Variants in IWS1 observed in about 807,000 individuals in gnomAD.
The protein encoded by IWS1 is protein IWS1 homolog.
IWS1 carries 27 observed loss-of-function variants against 86.7 expected under a neutral mutation model. That is an observed-to-expected ratio of 0.31 (90% CI 0.23 to 0.43). The LOEUF is 0.43. Among genes scored for constraint, IWS1 ranks in the 20% least tolerant of loss-of-function variants. The pLI, the probability that IWS1 is intolerant of heterozygous loss-of-function variation, is 1.00. For synonymous variants in IWS1, 313 were observed against 335.1 expected (o/e 0.93, Z 0.72); for missense variants, 827 against 1,000.8 (o/e 0.83, Z 2.34).
Position 127,512,452 on chromosome 2 carries a change from A to T in IWS1, c.151-6700T>A, listed in dbSNP as rs144673483. On this transcript the variant is annotated intron_variant, in intron 2 of 13. Coordinates refer to ENST00000295321, the MANE Select transcript of IWS1 (RefSeq NM_017969.3). Reference sequence around the variant, plus strand: ...CCCCTTCTTCCCTATCTGTCCTACCACAAAAGGTGTGAAGCCATCTAACCC... The same window carrying T: ...CCCCTTCTTCCCTATCTGTCCTACCTCAAAAGGTGTGAAGCCATCTAACCC... Among the ~76,000 whole-genome samples the T allele has an allele frequency of 1.3e-3, 192 of 152,286 alleles. 2 individuals carry two copies. The highest frequency in any genetic ancestry group is 3.8e-3 in the African/African-American group (157 of 41,574).
In IWS1 at chr2:127,526,288, G is replaced by A. The variant is rs1573582221; in HGVS notation, c.-80C>T. The A allele has an allele frequency of 3.2e-6, 5 of 1,544,698 alleles. No homozygotes were observed. The East Asian group carries it at 1.2e-4, about 38-fold the overall frequency. On this transcript the variant is annotated 5_prime_UTR_variant, in exon 1 of 14. Transcript: ENST00000295321. ...CCTTCCAGGCGGTGTGACCCCGGAT[G>A]GCGCGGCTAAGTGTTCAGAGACTGC...
At chr2:127,483,597 G>GGGGGT (rs1689763480) in intron 13 of IWS1, among the ~76,000 whole-genome samples, 1 of 26,034 alleles carries the variant, frequency 3.8e-5, no homozygotes. Context: ...GGGGTGGGGG[G>GGGGGT]GTTGGGCTGT....
Position 127,523,748 on chromosome 2 carries a change from C to T in IWS1, c.78G>A (p.Gly26=). 1 of 1,614,028 alleles carries T rather than the reference C, an allele frequency of 6.2e-7. No homozygotes were observed. Among genetic ancestry groups the T allele is most frequent in the Non-Finnish European group, 8.5e-7 (1 of 1,179,988 alleles). The change falls in exon 2 of 14, where the codon GGG becomes GGA. Residue 26 remains glycine (G), a synonymous_variant. Coordinates refer to ENST00000295321, the MANE Select transcript of IWS1 (RefSeq NM_017969.3). ...CATTTACATCATCCTCACCGTCTGA[C>T]CCTGAATCCCGTTCATCCTGTACTG... ...ATPVQDERDS[G]SDGEDDVNEQ... is the part of the protein sequence containing the mutation.
intron 2 of IWS1, among the ~76,000 whole-genome samples, chr2:127,515,286 C>T (rs896462247): frequency 6.6e-6 from 1 of 152,146 alleles, no homozygotes; most frequent in Non-Finnish European, 1.5e-5. Flanking sequence ...ATTTAATGCC[C>T]AGTAACCAAG....
chr2:127,503,697 T>TA (rs1690938167), intron 3 of IWS1, 121 bp from the exon 4 acceptor site: 1 of 355,668 alleles, frequency 2.8e-6, no homozygotes, highest in African/African-American at 2.2e-5. Context: ...AATAAATAAA[T>TA]AAATAAATAA....
intron 5 of IWS1, among the ~76,000 whole-genome samples, chr2:127,502,133 C>T (rs1442762513): frequency 6.6e-6 from 1 of 152,122 alleles, no homozygotes; most frequent in Non-Finnish European, 1.5e-5. Context: ...GACTGAGATT[C>T]TCTAGTCTGC....
At chr2:127,525,020 T>C (rs1171014627) in intron 1 of IWS1, among the ~76,000 whole-genome samples, 1 of 150,046 alleles carries the variant, frequency 6.7e-6, no homozygotes, top group East Asian at 1.9e-4. Context: ...TTCAGCCTCC[T>C]GAGTAACTGG....
At position 127,505,095 on chromosome 2, in the gene IWS1, T is replaced by G. The variant is rs1479004854; in HGVS notation, c.808A>C (p.Lys270Gln). The G allele has an allele frequency of 6.2e-6, 10 of 1,610,560 alleles. No individual in the cohort carries two copies. The highest frequency in any genetic ancestry group is 5.9e-6 in the Non-Finnish European group (7 of 1,178,106). Residue 270 changes from lysine to glutamine, a missense_variant, in exon 3 of 14, where the codon AAA (lysine) becomes CAA (glutamine). Around this residue, in one of 2 missense-constraint regions of IWS1, gnomAD observed 548 missense variants for 560.2 expected, o/e 0.98. Transcript: ENST00000295321. This position sits in a 1 kb window ranked among gnomAD's most constrained non-coding sequence, Gnocchi z 5.0. Reference protein sequence around the residue: ...ASDSENEELPKPRISDSESED... With the variant: ...ASDSENEELPQPRISDSESED... Reference sequence around the variant, plus strand: ...CTTTCCGAATCACTGATTCGGGGTTTGGGAAGCTCTTCATTTTCTGAGTCA... The same window carrying G: ...CTTTCCGAATCACTGATTCGGGGTTGGGGAAGCTCTTCATTTTCTGAGTCA...
chr2:127,519,480 T>C (rs1220996282), intron 2 of IWS1, among the ~76,000 whole-genome samples: 1 of 151,456 alleles, frequency 6.6e-6, no homozygotes, highest in Admixed American at 6.6e-5. Flanking sequence ...AGATTGTGTG[T>C]GTGTGTGTGT....
At chr2:127,510,039 G>A (rs1054899047) in intron 2 of IWS1, among the ~76,000 whole-genome samples, 1 of 152,156 alleles carries the variant, frequency 6.6e-6, no homozygotes, top group Non-Finnish European at 1.5e-5. Flanking sequence ...CTGGTGAGAA[G>A]TGTCAAACTC....
intron 2 of IWS1, among the ~76,000 whole-genome samples, chr2:127,509,968 A>G (rs574687099): frequency 1.3e-5 from 2 of 152,352 alleles, no homozygotes; most frequent in East Asian, 1.9e-4. Context: ...TCAAAGTATT[A>G]TATCGTCAAA....
At chr2:127,497,813 T>C (rs1010716135) in intron 6 of IWS1, among the ~76,000 whole-genome samples, 2 of 152,198 alleles carry the variant, frequency 1.3e-5, no homozygotes, top group Admixed American at 1.3e-4. Context: ...TTAGACTATT[T>C]CCCCTGCCCC....
At chr2:127,492,714 A>G (rs1690295652) in intron 9 of IWS1, 1 of 152,650 alleles carries the variant, frequency 6.6e-6, no homozygotes, top group Non-Finnish European at 1.5e-5. Context: ...GAACCCAAGC[A>G]CAGCCACCTT....
At chr2:127,485,930 A>G (rs567091534) in intron 13 of IWS1, 2 of 153,530 alleles carry the variant, frequency 1.3e-5, no homozygotes, top group African/African-American at 4.8e-5. Context: ...GTTGCCTTCA[A>G]TGCTGAACTT....
chr2:127,493,450 G>A, intron 8 of IWS1, 40 bp from the exon 9 acceptor site: 2 of 1,559,734 alleles, frequency 1.3e-6, no homozygotes, highest in Non-Finnish European at 1.7e-6. Context: ...GTGAACCTTG[G>A]TTCTACTGTA....
intron 5 of IWS1, among the ~76,000 whole-genome samples, chr2:127,502,054 C>T (rs1690851695): frequency 6.6e-6 from 1 of 152,092 alleles, no homozygotes; most frequent in African/African-American, 2.4e-5. Flanking sequence ...TTACTGTTAC[C>T]TTTTAATGTT....
At chr2:127,526,136 C>A (rs1463676419) in intron 1 of IWS1, 39 bp downstream of exon 1, 2 of 1,571,308 alleles carry the variant, frequency 1.3e-6, no homozygotes, top group Non-Finnish European at 1.7e-6. Flanking sequence ...CGAGTAACTG[C>A]TCCGCCTCCC....
At chr2:127,507,385 G>A (rs1002507204) in intron 2 of IWS1, among the ~76,000 whole-genome samples, 3 of 152,132 alleles carry the variant, frequency 2.0e-5, no homozygotes, top group East Asian at 1.9e-4. Flanking sequence ...CTGAAATATA[G>A]CACATTCAGG....
chr2:127,496,183 T>C (rs201272772), intron 6 of IWS1, 35 bp from the exon 7 acceptor site: 216 of 1,587,434 alleles, frequency 1.4e-4, no homozygotes, highest in Non-Finnish European at 1.6e-4. Context: ...GAAATACAAG[T>C]TGTCTTTTAA....
Sources: gnomAD v4.1 joint callset for allele counts (sites outside exome capture counted in the v4.1 genomes callset) on GRCh38, gnomAD v4.1.1 for gene constraint, gnomAD v4.1.1 regional missense constraint, Gnocchi (gnomAD v3.1) non-coding constraint, MANE v1.5 for transcripts, NCBI Gene and HGNC (gene_info 2026-07-23, HGNC 2026-07-21) for gene names.